Variants in PCDHA4 observed in about 807,000 individuals in gnomAD.
The protein encoded by PCDHA4 is protocadherin alpha-4.
Under a neutral mutation model 61.4 loss-of-function variants are expected in PCDHA4, and 49 were observed. The observed-to-expected ratio is 0.80, with a 90% confidence interval of 0.63 to 1.01. The LOEUF is 1.01. Ranked by LOEUF, PCDHA4 falls within the 50% of genes least tolerant of loss-of-function variation. The pLI is 0.00. For missense variants in PCDHA4, 1,254 were observed against 1,235.8 expected (o/e 1.01, Z -0.22); for synonymous variants, 590 against 550.3 (o/e 1.07, Z -1.01).
chr5:140,882,156 A>C (rs1582595846), intron 1 of PCDHA4: 2 of 1,504,204 alleles, frequency 1.3e-6, no homozygotes, highest in Non-Finnish European at 1.8e-6. Flanking sequence ...AAAGCGGAAT[A>C]CCTCTTGCGA....
At chr5:140,929,096 C>T (rs113293568) in intron 1 of PCDHA4, 45,094 of 1,614,150 alleles carry the variant, frequency 0.028, 813 homozygotes, top group Non-Finnish European at 0.033. Context: ...GTTTCAAATC[C>T]TTGCATGACA....
At chr5:140,888,706 T>G (rs1554183604) in intron 1 of PCDHA4, among the ~76,000 whole-genome samples, 1 of 152,196 alleles carries the variant, frequency 6.6e-6, no homozygotes, top group African/African-American at 2.4e-5. Context: ...TTGGTAGGAA[T>G]GTGAAATATT....
At chr5:140,909,854 C>T (rs756812618) in intron 1 of PCDHA4, among the ~76,000 whole-genome samples, 8 of 152,186 alleles carry the variant, frequency 5.3e-5, no homozygotes, top group Non-Finnish European at 1.2e-4. Flanking sequence ...CGTTTTCGGT[C>T]CCCTGGAGTC....
intron 1 of PCDHA4, among the ~76,000 whole-genome samples, chr5:140,895,936 G>A (rs1428112046): frequency 6.6e-6 from 1 of 151,984 alleles, no homozygotes; most frequent in Non-Finnish European, 1.5e-5. Context: ...TCAGCCTCCC[G>A]AGTAGCTGGG....
At chr5:140,982,127 C>G (rs1367393953) in intron 2 of PCDHA4, among the ~76,000 whole-genome samples, 1 of 152,244 alleles carries the variant, frequency 6.6e-6, no homozygotes, top group Non-Finnish European at 1.5e-5. Flanking sequence ...CTTTTGAGAA[C>G]AAGCCCTCCT....
chr5:140,955,175 A>G (rs1212192227), intron 1 of PCDHA4, among the ~76,000 whole-genome samples: 1 of 152,058 alleles, frequency 6.6e-6, no homozygotes, highest in Non-Finnish European at 1.5e-5. Flanking sequence ...TGGTTACTGT[A>G]GTTTTGTGGT....
intron 3 of PCDHA4, among the ~76,000 whole-genome samples, chr5:140,997,668 T>TTGTGTG (rs35184029): frequency 3.8e-4 from 56 of 148,342 alleles, no homozygotes; most frequent in African/African-American, 8.5e-4. Context: ...ATTATACAGC[T>TTGTGTG]TGTGTGTGTG....
Position 140,868,861 on chromosome 5 carries a change from T to G in PCDHA4, c.2385+59289T>G, listed in dbSNP as rs539900578. The G allele has an allele frequency of 3.6e-3, 1,881 of 525,394 alleles. 11 individuals carry two copies. Among genetic ancestry groups the G allele is most frequent in the Non-Finnish European group, 4.6e-3 (1,438 of 315,638 alleles). 32.5% of individuals were successfully genotyped at this position (525,394 alleles called of 1,614,324 possible). On this transcript the variant is annotated intron_variant, in intron 1 of 3. Coordinates refer to ENST00000530339, the MANE Select transcript of PCDHA4 (RefSeq NM_018907.4). ...ACACGTGAAATTCTGTGGTGGTAAA[T>G]GCAGTGCACAGTACTCACAGTTTTA...
chr5:140,857,791 G>A, intron 1 of PCDHA4: 2 of 1,597,714 alleles, frequency 1.3e-6, no homozygotes, highest in Non-Finnish European at 1.7e-6. Context: ...AGCTGGTGCT[G>A]CGGTCGGTGG....
In PCDHA4 at chr5:141,009,994, C is replaced by T; in HGVS notation, c.*57C>T. 1.3e-6 allele frequency: 2 copies of T among 1,577,076 alleles called. No individual in the cohort carries two copies. Among genetic ancestry groups the T allele is most frequent in the South Asian group, 1.2e-5 (1 of 83,074 alleles). On this transcript the variant is annotated 3_prime_UTR_variant, in exon 4 of 4. Transcript: ENST00000530339. Reference sequence around the variant, plus strand: ...GTTTTTGTAATAATGGCAAATCTCTCCCATGTAGCAATTCCCTGCTCCTTT... The same window carrying T: ...GTTTTTGTAATAATGGCAAATCTCTTCCATGTAGCAATTCCCTGCTCCTTT...
chr5:140,884,662 G>C lies in PCDHA4; in HGVS notation c.2385+75090G>C, dbSNP rs372022274. On this transcript the variant is annotated intron_variant, in intron 1 of 3. Transcript: ENST00000530339. ...AGGAGGACTCAGAATGCTTGAAAGA[G>C]GTAAGCTTATATTTTAAAAAATTGT... is the stretch of plus-strand genomic sequence containing the variant. 11 of 1,589,820 alleles carry C rather than the reference G, an allele frequency of 6.9e-6. No homozygotes were observed. In the African/African-American group the frequency reaches 9.4e-5, roughly 14 times the overall value.
In PCDHA4 at chr5:141,011,117, C is replaced by A. The variant is rs1301385116; in HGVS notation, c.*1180C>A. The A allele has an allele frequency of 1.3e-5, 2 of 153,590 alleles. No homozygotes were observed. The highest frequency in any genetic ancestry group is 2.4e-5 in the African/African-American group (1 of 41,402). The allele number at this position is 153,590 out of a possible 1,614,324, so 9.5% of individuals were successfully genotyped here. The stretch of plus-strand genomic sequence containing the variant: ...CTCTCTCTCTCTCTTTTCTAAGAAA[C>A]AATTATGTGCACTTTGATACACAAC... On this transcript the variant is annotated 3_prime_UTR_variant, in exon 4 of 4. Coordinates refer to ENST00000530339, the MANE Select transcript of PCDHA4 (RefSeq NM_018907.4).
intron 1 of PCDHA4, chr5:140,968,614 A>T: frequency 6.2e-7 from 1 of 1,614,142 alleles, no homozygotes; most frequent in Non-Finnish European, 8.5e-7. Context: ...ACTCTGGGCA[A>T]AATGCTTGGC....
rs1237293055 is a variant in PCDHA4 at position 140,848,212 on chromosome 5, G to T, written c.2385+38640G>T. ...TTCTGTTTCAACAATCATTACTTAA[G>T]AAAAAATTAAGAAAATGAAATAAGT... On this transcript the variant is annotated intron_variant, in intron 1 of 3. Transcript: ENST00000530339. The T allele has an allele frequency of 5.6e-6, 2 of 355,864 alleles. 1 individual carries two copies. Among genetic ancestry groups the T allele is most frequent in the Non-Finnish European group, 1.0e-5 (2 of 196,396 alleles). The allele number at this position is 355,864 out of a possible 1,614,324, so 22.0% of individuals were successfully genotyped here.
At chr5:140,996,947 T>C (rs1224598113) in intron 3 of PCDHA4, among the ~76,000 whole-genome samples, 2 of 152,176 alleles carry the variant, frequency 1.3e-5, no homozygotes, top group Non-Finnish European at 2.9e-5. Context: ...CATAGAAATA[T>C]TTATTTCCCT....
chr5:140,916,864 T>A (rs2077768356), intron 1 of PCDHA4, among the ~76,000 whole-genome samples: 1 of 152,156 alleles, frequency 6.6e-6, no homozygotes, highest in African/African-American at 2.4e-5. Flanking sequence ...AGGAGTTACC[T>A]AGGAATTGCA....
chr5:140,843,046 C>T lies in PCDHA4; in HGVS notation c.2385+33474C>T, dbSNP rs2150350953. ...AGCCTCGGGTGGGTGGCACTGGTGGCGCAGCGAGCAAGCTGGTGCCGCGGT... is the reference window on the plus strand; with the variant it reads ...AGCCTCGGGTGGGTGGCACTGGTGGTGCAGCGAGCAAGCTGGTGCCGCGGT... On this transcript the variant is annotated intron_variant, in intron 1 of 3. Transcript: ENST00000530339. The T allele has an allele frequency of 2.5e-6, 4 of 1,594,998 alleles. 1 individual carries two copies. The highest frequency in any genetic ancestry group is 1.7e-5 in the Admixed American group (1 of 59,286).
chr5:140,969,148 G>T, intron 1 of PCDHA4: 1 of 1,614,102 alleles, frequency 6.2e-7, no homozygotes. Flanking sequence ...ACTGCTACAA[G>T]GCCTGTCTGA....
intron 3 of PCDHA4, among the ~76,000 whole-genome samples, chr5:140,998,727 G>T (rs2097831761): frequency 6.6e-6 from 1 of 152,076 alleles, no homozygotes; most frequent in African/African-American, 2.4e-5. Flanking sequence ...ACCACGCTAG[G>T]CTAATTTTGT....
Sources: allele counts gnomAD v4.1 joint callset (sites outside exome capture counted in the v4.1 genomes callset), GRCh38; gene constraint gnomAD v4.1.1; transcripts MANE v1.5; gene names NCBI Gene and HGNC (gene_info 2026-07-23, HGNC 2026-07-21).